The following SEMA3D variants were observed in gnomAD, a reference collection of about 807,000 sequenced individuals.
SEMA3D encodes the protein semaphorin 3D.
SEMA3D carries 84 observed loss-of-function variants against 100.1 expected under a neutral mutation model. The observed-to-expected ratio is 0.84, with a 90% CI of 0.70 to 1.01. SEMA3D has a LOEUF of 1.01. Ranked by LOEUF, SEMA3D falls within the 50% of genes least tolerant of loss-of-function variation. The probability of loss-of-function intolerance (pLI) is 0.00; values close to 1 mark genes in which losing one functional copy is unlikely to be tolerated. For missense variants in SEMA3D, 875 were observed against 934.1 expected (o/e 0.94, Z 0.82); for synonymous variants, 312 against 320.7 (o/e 0.97, Z 0.29).
At chr7:85,053,033 G>C (rs1186242547) in intron 9 of SEMA3D, among the ~76,000 whole-genome samples, 2 of 152,016 alleles carry the variant, frequency 1.3e-5, no homozygotes, top group South Asian at 2.1e-4. Flanking sequence ...TTTTCAGTTA[G>C]TAGCTGAAGA....
intron 2 of SEMA3D, chr7:85,151,819 AT>A: frequency 1.4e-6 from 1 of 709,494 alleles, no homozygotes; most frequent in Non-Finnish European, 1.7e-6. Flanking sequence ...AAAATTCCAA[AT>A]TTTAGACTGT....
intron 18 of SEMA3D, among the ~76,000 whole-genome samples, chr7:85,005,547 A>T (rs1789772025): frequency 6.6e-6 from 1 of 152,090 alleles, no homozygotes; most frequent in African/African-American, 2.4e-5. Context: ...TAGCTGTCAG[A>T]TGAAGAGAAT....
At chr7:85,123,974 GC>G (rs1789498482) in intron 2 of SEMA3D, among the ~76,000 whole-genome samples, 1 of 151,896 alleles carries the variant, frequency 6.6e-6, no homozygotes, top group African/African-American at 2.4e-5. Flanking sequence ...ACCATCAGCA[GC>G]CCTTTATGAA....
At chr7:85,102,355 AGGGCAAAGACCAT>A (rs1017855846) in intron 3 of SEMA3D, among the ~76,000 whole-genome samples, 1 of 152,012 alleles carries the variant, frequency 6.6e-6, no homozygotes, top group Non-Finnish European at 1.5e-5. Flanking sequence ...GACCTGTGTC[AGGGCAAAGACCAT>A]GGTGTAATTA....
At chr7:85,150,192 A>G (rs1006493221) in intron 2 of SEMA3D, among the ~76,000 whole-genome samples, 4 of 151,534 alleles carry the variant, frequency 2.6e-5, no homozygotes, top group Non-Finnish European at 4.4e-5. Flanking sequence ...CAGGACATAA[A>G]TACTTATTTA....
At chr7:85,097,639 T>C (rs1055244470) in intron 4 of SEMA3D, among the ~76,000 whole-genome samples, 166 bp downstream of exon 4, 2 of 151,902 alleles carry the variant, frequency 1.3e-5, no homozygotes, top group Non-Finnish European at 2.9e-5. Context: ...TCCATAAAAA[T>C]CCAGAATGTG....
chr7:85,219,886 C>T, the SEMA3D span, among the ~76,000 whole-genome samples: 3 of 151,934 alleles, frequency 2.0e-5, no homozygotes, highest in Non-Finnish European at 2.9e-5. Context: ...ATTATTCACA[C>T]GGAAATATAG....
At chr7:85,152,278 A>G (rs982503931) in intron 2 of SEMA3D, among the ~76,000 whole-genome samples, 2 of 152,120 alleles carry the variant, frequency 1.3e-5, no homozygotes, top group Non-Finnish European at 2.9e-5. Flanking sequence ...CCAAAGATGC[A>G]TGTAAAAGAA....
At chr7:85,109,787 C>T (rs183787574) in intron 3 of SEMA3D, among the ~76,000 whole-genome samples, 1 of 151,902 alleles carries the variant, frequency 6.6e-6, no homozygotes, top group African/African-American at 2.4e-5. Context: ...TGTGAAAATT[C>T]CTTTAATAAG....
At chr7:85,063,443 AC>A (rs1791530481) in intron 8 of SEMA3D, among the ~76,000 whole-genome samples, 1 of 152,124 alleles carries the variant, frequency 6.6e-6, no homozygotes, top group Non-Finnish European at 1.5e-5. Flanking sequence ...GACTTCCTCT[AC>A]CATTTGTCTT....
At chr7:85,146,267 ATCCTTAGCCAGGAGTGGCG>A (rs574904419) in intron 2 of SEMA3D, among the ~76,000 whole-genome samples, 145 of 152,220 alleles carry the variant, frequency 9.5e-4, no homozygotes, top group African/African-American at 3.3e-3. Flanking sequence ...ACTAGTAAAA[ATCCTTAGCCAGGAGTGGCG>A]TCTCACATGT....
chr7:85,225,064 A>G, the SEMA3D span, among the ~76,000 whole-genome samples: 5 of 4,182 alleles, frequency 1.2e-3, no homozygotes, highest in Non-Finnish European at 3.1e-3. Flanking sequence ...ATATATATAT[A>G]TATATATATA....
At chr7:85,048,440 A>G (rs2116033618) in intron 9 of SEMA3D, among the ~76,000 whole-genome samples, 1 of 151,982 alleles carries the variant, frequency 6.6e-6, no homozygotes, top group East Asian at 1.9e-4. Flanking sequence ...ATGACATGGT[A>G]GAAACAAAAA....
chr7:85,245,752 A>G, the SEMA3D span, among the ~76,000 whole-genome samples: 1 of 152,138 alleles, frequency 6.6e-6, no homozygotes, highest in African/African-American at 2.4e-5. Flanking sequence ...CGCTAGTTTA[A>G]AAGCTACAGA....
intron 5 of SEMA3D, among the ~76,000 whole-genome samples, chr7:85,079,586 A>G (rs2116224739): frequency 6.6e-6 from 1 of 152,282 alleles, no homozygotes; most frequent in East Asian, 1.9e-4. Flanking sequence ...AGGGGCAATT[A>G]AGTTACTATG....
At chr7:85,027,233 C>G (rs997589713) in intron 12 of SEMA3D, among the ~76,000 whole-genome samples, 1 of 151,944 alleles carries the variant, frequency 6.6e-6, no homozygotes. Flanking sequence ...ATCAAAAGAA[C>G]TTTATAATTT....
intron 1 of SEMA3D, among the ~76,000 whole-genome samples, chr7:85,166,907 G>C (rs929904248): frequency 1.3e-5 from 2 of 151,962 alleles, no homozygotes; most frequent in Non-Finnish European, 2.9e-5. Flanking sequence ...TAGAGGTTTT[G>C]TACAAAGGTG....
intron 1 of SEMA3D, among the ~76,000 whole-genome samples, chr7:85,158,409 C>T (rs574367579): frequency 3.9e-5 from 6 of 152,258 alleles, no homozygotes; most frequent in Admixed American, 6.5e-5. Flanking sequence ...AAATAAGCCC[C>T]GGTCTCCTGT....
intron 2 of SEMA3D, among the ~76,000 whole-genome samples, chr7:85,128,670 AATCTAT>A: frequency 6.6e-6 from 1 of 151,922 alleles, no homozygotes; most frequent in East Asian, 1.9e-4. Flanking sequence ...CAGAATTTAT[AATCTAT>A]ATCTAATATT....
Sources: gnomAD v4.1 joint callset for allele counts (sites outside exome capture counted in the v4.1 genomes callset) on GRCh38, gnomAD v4.1.1 for gene constraint, MANE v1.5 for transcripts, NCBI Gene and HGNC (gene_info 2026-07-23, HGNC 2026-07-21) for gene names.